The following LRBA variants were observed in gnomAD, a reference collection of about 807,000 sequenced individuals.
The protein encoded by LRBA is lipopolysaccharide-responsive and beige-like anchor protein.
Under a neutral mutation model 330.0 loss-of-function variants are expected in LRBA, and 176 were observed. The observed-to-expected ratio is 0.53, with a 90% CI of 0.47 to 0.60. LRBA has a LOEUF of 0.60. Ranked by LOEUF, LRBA falls within the 20% of genes least tolerant of loss-of-function variation. The pLI is 0.00. For missense variants in LRBA, 3,259 were observed against 3,444.8 expected (o/e 0.95, Z 1.35); for synonymous variants, 1,230 against 1,193.0 (o/e 1.03, Z -0.64).
chr4:150,281,226 A>G (rs1415552423), intron 55 of LRBA, among the ~76,000 whole-genome samples: 1 of 152,206 alleles, frequency 6.6e-6, no homozygotes, highest in Non-Finnish European at 1.5e-5. Flanking sequence ...AGAAAAGAGG[A>G]AAAGAAAATC....
chr4:150,389,307 T>C (rs1017272673), intron 47 of LRBA, among the ~76,000 whole-genome samples: 2 of 151,686 alleles, frequency 1.3e-5, no homozygotes, highest in East Asian at 1.9e-4. Context: ...TGAGCCATGG[T>C]TGTACCACTG....
chr4:150,966,475 A>C (rs1579346593), intron 2 of LRBA, among the ~76,000 whole-genome samples: 1 of 114,616 alleles, frequency 8.7e-6, no homozygotes, highest in African/African-American at 3.4e-5. Context: ...CACCCAGCTA[A>C]TTTTTTTTTT....
intron 36 of LRBA, among the ~76,000 whole-genome samples, chr4:150,720,036 G>A (rs1239084563): frequency 6.6e-6 from 1 of 152,108 alleles, no homozygotes; most frequent in Non-Finnish European, 1.5e-5. Flanking sequence ...TCCTCTTCAT[G>A]ATAGGCCATA....
At chr4:150,953,277 G>C (rs1201787953) in intron 2 of LRBA, among the ~76,000 whole-genome samples, 2 of 151,846 alleles carry the variant, frequency 1.3e-5, no homozygotes, top group Admixed American at 6.6e-5. Flanking sequence ...ACATCTATAG[G>C]ATATTTATTC....
At chr4:150,788,616 C>T (rs1454841577) in intron 34 of LRBA, among the ~76,000 whole-genome samples, 2 of 151,630 alleles carry the variant, frequency 1.3e-5, no homozygotes, top group African/African-American at 4.9e-5. Flanking sequence ...AAAAATTAGC[C>T]GGGCATGATG....
chr4:150,949,409 G>C (rs1736583305), intron 2 of LRBA, among the ~76,000 whole-genome samples: 1 of 151,984 alleles, frequency 6.6e-6, no homozygotes, highest in Non-Finnish European at 1.5e-5. Context: ...GGTTGCCAGG[G>C]GTTAAGATGG....
chr4:150,830,442 G>A (rs946746062), intron 29 of LRBA, among the ~76,000 whole-genome samples: 3 of 152,308 alleles, frequency 2.0e-5, no homozygotes, highest in Non-Finnish European at 1.5e-5. Context: ...CAAGGCTGCA[G>A]ACACACAACC....
chr4:150,824,261 T>A (rs1265905326), intron 30 of LRBA, among the ~76,000 whole-genome samples: 1 of 152,224 alleles, frequency 6.6e-6, no homozygotes, highest in East Asian at 1.9e-4. Flanking sequence ...AATTTTTGTA[T>A]GCTAATTTTT....
intron 40 of LRBA, among the ~76,000 whole-genome samples, chr4:150,558,720 C>A (rs1264890895): frequency 6.6e-6 from 1 of 152,106 alleles, no homozygotes; most frequent in Non-Finnish European, 1.5e-5. Flanking sequence ...GTGAACAAAG[C>A]TAATAAATGT....
At chr4:150,415,266 T>C (rs1413504330) in intron 47 of LRBA, among the ~76,000 whole-genome samples, 172 bp downstream of exon 47, 1 of 152,218 alleles carries the variant, frequency 6.6e-6, no homozygotes, top group African/African-American at 2.4e-5. Context: ...ATCAATTCAA[T>C]AACATTTCAT....
chr4:150,852,812 A>G lies in LRBA; in HGVS notation c.2898T>C (p.Asn966=). Residue 966 remains asparagine, a synonymous_variant, in exon 23 of 57, where the codon AAT becomes AAC. Coordinates refer to ENST00000651943, the MANE Select transcript of LRBA (RefSeq NM_001364905.1). ...QAASGIRRDI[N]VSVGSQQPDT... is the part of the protein sequence containing the mutation. The stretch of plus-strand genomic sequence containing the variant: ...CTGGTTGCTGGGATCCTACTGAAAC[A>G]TTAATATCCCTTCTAATGCCAGAGG... 1 of 1,614,050 alleles carries G rather than the reference A, an allele frequency of 6.2e-7. No individual in the cohort carries two copies. Among genetic ancestry groups the G allele is most frequent in the Non-Finnish European group, 8.5e-7 (1 of 1,179,954 alleles).
intron 2 of LRBA, among the ~76,000 whole-genome samples, chr4:150,956,964 C>T (rs1737608474): frequency 6.7e-6 from 1 of 148,986 alleles, no homozygotes; most frequent in Non-Finnish European, 1.5e-5. Context: ...AATACATATA[C>T]ACACACATAT....
rs139895065 is a variant in LRBA, at chr4:150,270,786, G to T, written c.8469-4974C>A. On this transcript the variant is annotated intron_variant, in intron 56 of 56. Coordinates refer to ENST00000651943, the MANE Select transcript of LRBA (RefSeq NM_001364905.1). ...AAATCTACCACTTGAGAGCTTTTAG[G>T]AAATAAGCCCTATCTTTCAGGGGAC... Among the ~76,000 whole-genome samples, 365 of 152,300 alleles carry T rather than the reference G, an allele frequency of 2.4e-3. 3 individuals carry two copies. Among genetic ancestry groups the T allele is most frequent in the African/African-American group, 8.2e-3 (339 of 41,554 alleles).
chr4:150,745,071 A>C (rs936856097), intron 35 of LRBA, among the ~76,000 whole-genome samples: 1 of 152,128 alleles, frequency 6.6e-6, no homozygotes, highest in Admixed American at 6.6e-5. Context: ...GTAAACAAGA[A>C]AATGGGAAAC....
At chr4:150,579,692 G>C (rs1192224468) in intron 40 of LRBA, 1 of 456,632 alleles carries the variant, frequency 2.2e-6, no homozygotes, top group African/African-American at 2.0e-5. Context: ...CCGGCGAGTG[G>C]TGGCGCGAAG....
chr4:150,330,027 G>T (rs1241750770), intron 48 of LRBA, among the ~76,000 whole-genome samples: 1 of 151,976 alleles, frequency 6.6e-6, no homozygotes, highest in African/African-American at 2.4e-5. Flanking sequence ...TCCCAAACTC[G>T]CCTTTATGCA....
At chr4:150,388,634 T>C (rs897475948) in intron 47 of LRBA, among the ~76,000 whole-genome samples, 1 of 152,112 alleles carries the variant, frequency 6.6e-6, no homozygotes, top group Non-Finnish European at 1.5e-5. Context: ...AAGTAGGAAA[T>C]TGTGATATAA....
At position 150,647,352 on chromosome 4, in the gene LRBA, C is replaced by CTTTTTTTTTT. The variant is rs769403201; in HGVS notation, c.5921+36189_5921+36198dup. The stretch of plus-strand genomic sequence containing the variant: ...GTAAAAAGTAAAATGATTACTTTTT[C>CTTTTTTTTTT]TTTTTTTTTTTTTTTTTTTTTTTGA... On this transcript the variant is annotated intron_variant, in intron 37 of 56. Coordinates refer to ENST00000651943, the MANE Select transcript of LRBA (RefSeq NM_001364905.1). Among the ~76,000 whole-genome samples, 49 of 79,816 alleles carry CTTTTTTTTTT rather than the reference C, an allele frequency of 6.1e-4. 1 individual carries two copies. The highest frequency in any genetic ancestry group is 8.5e-4 in the East Asian group (2 of 2,356). 52.4% of individuals were successfully genotyped at this position (79,816 alleles called of 152,430 possible).
intron 56 of LRBA, among the ~76,000 whole-genome samples, chr4:150,270,386 G>A (rs542269630): frequency 7.2e-4 from 109 of 152,240 alleles, no homozygotes; most frequent in African/African-American, 2.4e-3. Context: ...TACGTGCTAC[G>A]ACATGCAAGA....
Sources: gnomAD v4.1 joint callset for allele counts (sites outside exome capture counted in the v4.1 genomes callset) on GRCh38, gnomAD v4.1.1 for gene constraint, MANE v1.5 for transcripts, NCBI Gene and HGNC (gene_info 2026-07-23, HGNC 2026-07-21) for gene names.